Variants in TTLL8 observed in about 807,000 individuals in gnomAD.
The protein encoded by TTLL8 is tubulin tyrosine ligase like 8, also known as protein monoglycylase TTLL8.
TTLL8 carries 65 observed loss-of-function variants against 77.8 expected under a neutral mutation model. The ratio of observed to expected loss-of-function variants is 0.84; its 90% CI spans 0.68 to 1.03. The LOEUF (loss-of-function observed/expected upper bound fraction) is 1.03, where lower values mean the gene tolerates loss of function less well. Among genes scored for constraint, TTLL8 ranks in the 50% least tolerant of loss-of-function variants. The pLI is 0.00. For missense variants in TTLL8, 910 were observed against 1,004.5 expected, an observed-to-expected ratio of 0.91 and a Z score of 1.27; for synonymous variants, 402 against 422.8, an observed-to-expected ratio of 0.95 and a Z score of 0.60.
At chr22:50,021,237 GACGACATGTACTCCTCCATCTGACA>G (rs2061196794) in intron 12 of TTLL8, among the ~76,000 whole-genome samples, 1 of 125,650 alleles carries the variant, frequency 8.0e-6, no homozygotes, top group African/African-American at 3.2e-5. Context: ...TCCTCCATCT[GACGACATGTACTCCTCCATCTGACA>G]ATGTGCACTC....
At chr22:50,029,637 A>G (rs1380777579) in intron 12 of TTLL8, among the ~76,000 whole-genome samples, 12 of 152,082 alleles carry the variant, frequency 7.9e-5, no homozygotes, top group African/African-American at 2.7e-4. Flanking sequence ...AGGCTGAGGC[A>G]GGAGAATGGC....
At chr22:50,043,442 C>CGT (rs1569230209) in intron 6 of TTLL8, among the ~76,000 whole-genome samples, 9 of 20,978 alleles carry the variant, frequency 4.3e-4, no homozygotes, top group East Asian at 1.3e-3. Flanking sequence ...GGTGCCGAGA[C>CGT]GTCCTTCGGT....
At chr22:50,057,041 T>C, upstream of TTLL8, 2 of 1,137,432 alleles carry the variant, frequency 1.8e-6, no homozygotes, top group Non-Finnish European at 1.2e-6. Flanking sequence ...ATGGAGAGGG[T>C]TCTGAGGCCC....
intron 12 of TTLL8, among the ~76,000 whole-genome samples, chr22:50,026,299 G>A (rs1379502134): frequency 2.3e-5 from 3 of 131,392 alleles, no homozygotes; most frequent in African/African-American, 5.3e-5. Flanking sequence ...CTGCACAGCC[G>A]CCACCTCAGA....
intron 12 of TTLL8, among the ~76,000 whole-genome samples, chr22:50,020,346 G>A (rs544423456): frequency 1.1e-4 from 16 of 147,458 alleles, no homozygotes; most frequent in African/African-American, 2.5e-4. Context: ...TCCATCTAAC[G>A]TGCCCTCCTC....
At position 50,033,547 on chromosome 22, in the gene TTLL8, C is replaced by T. The variant is rs953829996; in HGVS notation, c.1040-102G>A. ...GGTCGCAGCTTGGCCCTGAGACCTG[C>T]ACTGGCTTTGTCCAAGGCCAGCAGG... On this transcript the variant is annotated intron_variant, in intron 9 of 13. Coordinates refer to ENST00000266182, the Ensembl canonical transcript of TTLL8. 17 of 1,091,952 alleles carry T rather than the reference C, an allele frequency of 1.6e-5. No homozygotes were observed. In the African/African-American group the frequency reaches 2.7e-4, roughly 18 times the overall value. 67.6% of individuals were successfully genotyped at this position (1,091,952 alleles called of 1,614,324 possible).
intron 6 of TTLL8, 155 bp downstream of exon 8, chr22:50,045,100 C>T (rs1188817139): frequency 8.6e-6 from 6 of 697,712 alleles, no homozygotes; most frequent in South Asian, 6.3e-5. Flanking sequence ...ACAGAAAACC[C>T]GTCTGCCATG....
intron 1 of TTLL8, among the ~76,000 whole-genome samples, chr22:50,053,988 A>G (rs5771326): frequency 0.42 from 50,468 of 120,996 alleles, 11,803 homozygotes; most frequent in African/African-American, 0.68. Context: ...TAACATCACC[A>G]TGCCGTGCAC....
chr22:50,057,791 G>A (rs2061492071), upstream of TTLL8, among the ~76,000 whole-genome samples: 2 of 151,678 alleles, frequency 1.3e-5, no homozygotes, highest in South Asian at 2.1e-4. Context: ...CTGGGTTGGG[G>A]GTGCAGGTCT....
chr22:50,045,714 GCCATGA>G, intron 5 of TTLL8, 136 bp downstream of exon 7: 1 of 1,202,092 alleles, frequency 8.3e-7, no homozygotes, highest in Non-Finnish European at 1.1e-6. Context: ...CCTCTGTACT[GCCATGA>G]CCATGACCAT....
intron 1 of TTLL8, among the ~76,000 whole-genome samples, chr22:50,052,021 C>T (rs2061446349): frequency 6.6e-6 from 1 of 152,124 alleles, no homozygotes; most frequent in Non-Finnish European, 1.5e-5. Flanking sequence ...TGAGTCCCAG[C>T]ACCCATACGA....
rs549735550 is a variant in TTLL8 at position 50,027,169 on chromosome 22, G to A, written c.2203+3261C>T. Among the ~76,000 whole-genome samples, 18 of 150,742 alleles carry A rather than the reference G, an allele frequency of 1.2e-4. No homozygotes were observed. In the South Asian group the frequency reaches 3.8e-3, roughly 32 times the overall value. On this transcript the variant is annotated intron_variant, in intron 12 of 13. Transcript: ENST00000266182. ...GAGAATCGCTTGAACCCAGGAGGTGGATGTTGCAGTGAGCTGAGATTGTGC... is the reference window on the plus strand; with the variant it reads ...GAGAATCGCTTGAACCCAGGAGGTGAATGTTGCAGTGAGCTGAGATTGTGC...
chr22:50,028,608 ACACCG>A (rs1438300672), intron 12 of TTLL8, among the ~76,000 whole-genome samples: 5 of 130,142 alleles, frequency 3.8e-5, no homozygotes, highest in South Asian at 2.5e-4. Flanking sequence ...GACCCCCATC[ACACCG>A]TCCTGAAGAC....
At chr22:50,035,920 A>G (rs952919077) in intron 8 of TTLL8, among the ~76,000 whole-genome samples, 1 of 152,222 alleles carries the variant, frequency 6.6e-6, no homozygotes, top group African/African-American at 2.4e-5. Flanking sequence ...TGTCCCCACA[A>G]GTGTACGCGC....
chr22:50,044,983 G>A lies in TTLL8; in HGVS notation c.643+272C>T, dbSNP rs552730646. 6.6e-6 allele frequency among the ~76,000 whole-genome samples: 1 copy of A among 152,288 alleles called. No individual in the cohort carries two copies. The highest frequency in any genetic ancestry group is 2.1e-4 in the South Asian group (1 of 4,824). ...GACCACAGGCTGGAACCACGTCCGC[G>A]GCACAGGACTGTGGCAGTGAGTGTG... On this transcript the variant is annotated intron_variant, in intron 6 of 13. Transcript: ENST00000266182. This position sits in a 1 kb window ranked among gnomAD's most constrained non-coding sequence, Gnocchi z 4.2.
chr22:50,026,053 A>G (rs7288866), intron 12 of TTLL8, among the ~76,000 whole-genome samples: 3,232 of 152,270 alleles, frequency 0.021, 112 homozygotes, highest in African/African-American at 0.073. Context: ...ACAAAGGCAC[A>G]TGTCCCCGTA....
At chr22:50,056,136 A>G (rs997337356), upstream of TTLL8, among the ~76,000 whole-genome samples, 38 of 152,312 alleles carry the variant, frequency 2.5e-4, no homozygotes, top group African/African-American at 8.4e-4. This position sits in a 1 kb window ranked among gnomAD's most constrained non-coding sequence, Gnocchi z 4.1. Flanking sequence ...TATCAAAAGG[A>G]AGCATGAAGT....
chr22:50,027,918 C>T (rs760609404), intron 12 of TTLL8, among the ~76,000 whole-genome samples: 54 of 152,370 alleles, frequency 3.5e-4, no homozygotes, highest in Admixed American at 6.5e-4. Context: ...GTTTGCCACG[C>T]GTGGCAACTG....
chr22:50,029,511 G>A (rs1403733637), intron 12 of TTLL8, among the ~76,000 whole-genome samples: 1 of 151,804 alleles, frequency 6.6e-6, no homozygotes, highest in Non-Finnish European at 1.5e-5. Flanking sequence ...GGAGGCTGAG[G>A]CGGCGGATCA....
Sources: gnomAD v4.1 joint callset for allele counts (sites outside exome capture counted in the v4.1 genomes callset) on GRCh38, gnomAD v4.1.1 for gene constraint, Gnocchi (gnomAD v3.1) non-coding constraint, MANE v1.5 for transcripts, NCBI Gene and HGNC (gene_info 2026-07-23, HGNC 2026-07-21) for gene names.